CNTN1: variants seen among roughly 807,000 people sequenced by gnomAD.
The protein encoded by CNTN1 is contactin 1, also known as contactin-1.
In CNTN1, 38 loss-of-function variants were observed where a neutral mutation model predicts 126.4. That is an observed-to-expected ratio of 0.30 (90% CI 0.23 to 0.39). CNTN1 has a LOEUF of 0.39. Among genes scored for constraint, CNTN1 ranks in the 10% least tolerant of loss-of-function variants. The pLI, the probability that CNTN1 is intolerant of heterozygous loss-of-function variation, is 1.00. For synonymous variants in CNTN1, 413 were observed against 422.6 expected (o/e 0.98, Z 0.28); for missense variants, 1,009 against 1,248.4 (o/e 0.81, Z 2.89).
At chr12:41,047,290 C>A (rs528916092) in intron 23 of CNTN1, among the ~76,000 whole-genome samples, 1 of 152,246 alleles carries the variant, frequency 6.6e-6, no homozygotes. Flanking sequence ...ACTCTTAAAA[C>A]CTTCCCACTG....
At chr12:40,787,343 T>C (rs186072266) in intron 1 of CNTN1, among the ~76,000 whole-genome samples, 153 of 152,298 alleles carry the variant, frequency 1.0e-3, no homozygotes, top group Admixed American at 1.6e-3. Context: ...ACTACTCTGC[T>C]TAGCACTTTT....
chr12:40,978,865 A>C (rs1229434691), intron 15 of CNTN1: 1 of 152,156 alleles, frequency 6.6e-6, no homozygotes, highest in Non-Finnish European at 1.5e-5. Context: ...CCATACCCCT[A>C]TGCTCAGAAA....
chr12:40,873,584 T>C (rs1187063357), intron 1 of CNTN1, among the ~76,000 whole-genome samples: 2 of 152,184 alleles, frequency 1.3e-5, no homozygotes, highest in Non-Finnish European at 2.9e-5. Flanking sequence ...AAAGTTTTAG[T>C]GTGTTAGGCC....
intron 1 of CNTN1, among the ~76,000 whole-genome samples, chr12:40,813,789 G>A (rs998412702): frequency 6.6e-6 from 1 of 152,162 alleles, no homozygotes; most frequent in Non-Finnish European, 1.5e-5. Context: ...CACAATGGTT[G>A]AACTAATTTA....
chr12:40,747,406 G>A (rs1293306708), intron 1 of CNTN1, among the ~76,000 whole-genome samples: 1 of 151,576 alleles, frequency 6.6e-6, no homozygotes, highest in African/African-American at 2.4e-5. Context: ...CATGGGAGAA[G>A]AATTATAGAC....
rs138936639 is a variant in CNTN1, at chr12:40,708,518, G to A, written c.-77+15926G>A. Among the ~76,000 whole-genome samples the A allele has an allele frequency of 1.7e-3, 260 of 152,316 alleles. 2 individuals carry two copies. In the East Asian group the frequency reaches 0.021, roughly 12 times the overall value. On this transcript the variant is annotated intron_variant, in intron 1 of 23. Coordinates refer to ENST00000551295, the MANE Select transcript of CNTN1 (RefSeq NM_001843.4). ...GATTTCTGAAGACTGATTTAGGGTG[G>A]TGGTTGCCAAAGGTTGGGGTGGCTG...
At chr12:40,721,329 A>G (rs1351652823) in intron 1 of CNTN1, among the ~76,000 whole-genome samples, 16 of 152,128 alleles carry the variant, frequency 1.1e-4, no homozygotes. Context: ...AAAAATAGGC[A>G]GGACCACCTC....
At chr12:41,061,736 T>A (rs1949942329) in intron 23 of CNTN1, 1 of 451,376 alleles carries the variant, frequency 2.2e-6, no homozygotes. Flanking sequence ...TTAAAACTTA[T>A]AACATTAAAC....
intron 23 of CNTN1, among the ~76,000 whole-genome samples, chr12:41,047,698 C>T (rs915702224): frequency 2.0e-5 from 3 of 151,974 alleles, no homozygotes; most frequent in African/African-American, 4.8e-5. Context: ...GGAGAGAATG[C>T]CATTCTCTTT....
chr12:40,922,454 A>G, intron 5 of CNTN1, 26 bp downstream of exon 5: 1 of 1,610,096 alleles, frequency 6.2e-7, no homozygotes. Context: ...CTTTTAAAAA[A>G]GGGCAAGCGT....
intron 1 of CNTN1, among the ~76,000 whole-genome samples, chr12:40,820,201 C>T (rs751781244): frequency 1.3e-5 from 2 of 152,082 alleles, no homozygotes; most frequent in East Asian, 1.9e-4. Context: ...GAGGAAGTAC[C>T]AGGCTCTTTT....
Position 41,054,332 on chromosome 12 carries a change from T to C in CNTN1, c.2981-15627T>C, listed in dbSNP as rs945432781. On this transcript the variant is annotated intron_variant, in intron 23 of 23. Coordinates refer to ENST00000551295, the MANE Select transcript of CNTN1 (RefSeq NM_001843.4). ...ATATTTCCTAGAACATATTTGACTA[T>C]AAACATTTTTCTACAAATTAAGTAG... 2.6e-5 allele frequency among the ~76,000 whole-genome samples: 4 copies of C among 151,956 alleles called. No individual in the cohort carries two copies. In the South Asian group the frequency reaches 8.3e-4, roughly 31 times the overall value.
At chr12:40,985,855 G>A (rs55927654) in intron 16 of CNTN1, among the ~76,000 whole-genome samples, 2 of 151,982 alleles carry the variant, frequency 1.3e-5, no homozygotes, top group African/African-American at 2.4e-5. Context: ...GACAGTGTGT[G>A]TGTGTCTGTG....
intron 1 of CNTN1, among the ~76,000 whole-genome samples, chr12:40,795,158 A>C (rs1474857792): frequency 2.0e-5 from 3 of 152,148 alleles, no homozygotes; most frequent in East Asian, 3.9e-4. Flanking sequence ...AGGATCACCT[A>C]CTGCCAAGTT....
At chr12:40,699,348 T>C (rs1402893831) in intron 1 of CNTN1, among the ~76,000 whole-genome samples, 11 of 152,184 alleles carry the variant, frequency 7.2e-5, no homozygotes, top group Non-Finnish European at 1.5e-5. Flanking sequence ...AGCTAAAAAT[T>C]ATGTCAATCT....
At chr12:40,835,101 T>C (rs1012844808) in intron 1 of CNTN1, among the ~76,000 whole-genome samples, 1 of 152,190 alleles carries the variant, frequency 6.6e-6, no homozygotes, top group Non-Finnish European at 1.5e-5. Flanking sequence ...ATTATCTTTA[T>C]AAAAATAGCT....
At chr12:40,930,142 G>A (rs1945833494) in intron 7 of CNTN1, 140 bp downstream of exon 7, 11 of 752,528 alleles carry the variant, frequency 1.5e-5, no homozygotes, top group African/African-American at 8.7e-5. Context: ...TGTTGAAGGG[G>A]CCAAAGGCTT....
chr12:41,055,380 T>A (rs1949781493), intron 23 of CNTN1, among the ~76,000 whole-genome samples: 1 of 152,114 alleles, frequency 6.6e-6, no homozygotes, highest in South Asian at 2.1e-4. Flanking sequence ...AACCCATTCA[T>A]ATATTTTGCC....
At chr12:40,964,642 G>A (rs1947240147) in intron 15 of CNTN1, among the ~76,000 whole-genome samples, 1 of 151,344 alleles carries the variant, frequency 6.6e-6, no homozygotes, top group East Asian at 1.9e-4. Flanking sequence ...CATCTTTATT[G>A]ATATACCCTG....
Sources: allele counts gnomAD v4.1 joint callset (sites outside exome capture counted in the v4.1 genomes callset), GRCh38; gene constraint gnomAD v4.1.1; transcripts MANE v1.5; gene names NCBI Gene and HGNC (gene_info 2026-07-23, HGNC 2026-07-21).